Variants in GPR137C observed in about 807,000 individuals in gnomAD.
GPR137C encodes the protein G protein-coupled receptor 137C.
Under a neutral mutation model 43.4 loss-of-function variants are expected in GPR137C, and 27 were observed. The observed-to-expected ratio is 0.62, with a 90% confidence interval of 0.46 to 0.86. The LOEUF is 0.86. GPR137C is among the 40% of genes least tolerant of loss of function. The probability of loss-of-function intolerance (pLI) is 0.00; values close to 1 mark genes in which losing one functional copy is unlikely to be tolerated. For missense variants in GPR137C, 522 were observed against 534.6 expected, an observed-to-expected ratio of 0.98 and a Z score of 0.23; for synonymous variants, 285 against 226.9, an observed-to-expected ratio of 1.26 and a Z score of -2.30.
At chr14:52,571,058 A>G (rs1390401244) in intron 1 of GPR137C, among the ~76,000 whole-genome samples, 3 of 152,168 alleles carry the variant, frequency 2.0e-5, no homozygotes, top group South Asian at 2.1e-4. Context: ...ACCGCATCAC[A>G]CTTATTCTAA....
chr14:52,594,549 T>A (rs1268647058), intron 1 of GPR137C, among the ~76,000 whole-genome samples: 2 of 152,248 alleles, frequency 1.3e-5, no homozygotes, highest in Non-Finnish European at 2.9e-5. Flanking sequence ...TCTTGTTGAA[T>A]TGATCCCTTT....
At chr14:52,577,586 T>C (rs1566608378) in intron 1 of GPR137C, among the ~76,000 whole-genome samples, 1 of 146,696 alleles carries the variant, frequency 6.8e-6, no homozygotes, top group African/African-American at 2.5e-5. Flanking sequence ...ACAAACAAAA[T>C]TGGTAGGCAA....
At chr14:52,579,529 A>T (rs1185695462) in intron 1 of GPR137C, among the ~76,000 whole-genome samples, 1 of 152,182 alleles carries the variant, frequency 6.6e-6, no homozygotes, top group South Asian at 2.1e-4. Flanking sequence ...CTTGGGATTC[A>T]TCTTTCTTGG....
chr14:52,616,853 T>C (rs1291701724), intron 3 of GPR137C, among the ~76,000 whole-genome samples: 1 of 152,240 alleles, frequency 6.6e-6, no homozygotes, highest in East Asian at 1.9e-4. Flanking sequence ...AAGACTGCAT[T>C]GTATCCTGGG....
At chr14:52,596,559 T>C (rs2038858806) in intron 1 of GPR137C, among the ~76,000 whole-genome samples, 1 of 152,142 alleles carries the variant, frequency 6.6e-6, no homozygotes, top group Admixed American at 6.5e-5. Context: ...TGGGCTGCAG[T>C]GTTGCAGGTG....
At position 52,566,537 on chromosome 14, in the gene GPR137C, A is replaced by AT. The variant is rs917813256; in HGVS notation, c.444+12953dup. ...TGAGGCTGTTAAGTGCCCAATTGGC[A>AT]TTTTTTTAAAAAATCTATTCTGAAA... On this transcript the variant is annotated intron_variant, in intron 1 of 6. Coordinates refer to ENST00000321662, the MANE Select transcript of GPR137C (RefSeq NM_001099652.2). Among the ~76,000 whole-genome samples, 20 of 152,154 alleles carry AT rather than the reference A, an allele frequency of 1.3e-4. 1 individual carries two copies. The highest frequency in any genetic ancestry group is 2.6e-4 in the Admixed American group (4 of 15,272).
At chr14:52,565,283 C>T (rs1214028326) in intron 1 of GPR137C, among the ~76,000 whole-genome samples, 2 of 152,182 alleles carry the variant, frequency 1.3e-5, no homozygotes, top group African/African-American at 4.8e-5. Context: ...TTTTCTTCTC[C>T]TCCTCTTCCT....
At chr14:52,630,782 A>G (rs924219797) in intron 3 of GPR137C, among the ~76,000 whole-genome samples, 2 of 152,198 alleles carry the variant, frequency 1.3e-5, no homozygotes, top group African/African-American at 2.4e-5. Flanking sequence ...ATGGATTTTT[A>G]ACCTACCTAC....
At chr14:52,602,013 C>T (rs976207745) in intron 3 of GPR137C, among the ~76,000 whole-genome samples, 11 of 150,928 alleles carry the variant, frequency 7.3e-5, no homozygotes, top group Non-Finnish European at 8.9e-5. Context: ...TGTATGGATT[C>T]GGAATTATCT....
At chr14:52,591,655 C>G (rs1326106510) in intron 1 of GPR137C, among the ~76,000 whole-genome samples, 1 of 152,128 alleles carries the variant, frequency 6.6e-6, no homozygotes, top group East Asian at 1.9e-4. Context: ...ATCCTTCGCC[C>G]ACTTTTTGAT....
At chr14:52,606,251 G>A (rs1036959506) in intron 3 of GPR137C, among the ~76,000 whole-genome samples, 8 of 151,886 alleles carry the variant, frequency 5.3e-5, no homozygotes, top group African/African-American at 1.7e-4. Flanking sequence ...GGTTTTCTTC[G>A]TTATTCAGTC....
intron 2 of GPR137C, among the ~76,000 whole-genome samples, chr14:52,598,778 T>C (rs947386195): frequency 5.3e-5 from 8 of 152,228 alleles, no homozygotes; most frequent in Admixed American, 1.3e-4. Context: ...GTGCAATTCA[T>C]GTACCCTCTA....
chr14:52,576,430 G>A (rs2038553259), intron 1 of GPR137C, among the ~76,000 whole-genome samples: 1 of 152,174 alleles, frequency 6.6e-6, no homozygotes, highest in African/African-American at 2.4e-5. Context: ...GATAAATATA[G>A]AGTGAAGGTG....
At chr14:52,609,318 T>C (rs1340503172) in intron 3 of GPR137C, among the ~76,000 whole-genome samples, 2 of 152,226 alleles carry the variant, frequency 1.3e-5, no homozygotes, top group African/African-American at 4.8e-5. Flanking sequence ...TTTGAGTCTC[T>C]GTGATTTCCT....
At chr14:52,583,320 A>G (rs1040136224) in intron 1 of GPR137C, among the ~76,000 whole-genome samples, 23 of 152,206 alleles carry the variant, frequency 1.5e-4, no homozygotes, top group African/African-American at 4.3e-4. Flanking sequence ...GCTATATTCT[A>G]TAATATACTT....
chr14:52,633,568 A>G lies in GPR137C; in HGVS notation c.906A>G (p.Val302=). The G allele has an allele frequency of 1.2e-6, 2 of 1,612,368 alleles. No homozygotes were observed. The highest frequency in any genetic ancestry group is 2.2e-5 in the East Asian group (1 of 44,844). The part of the protein sequence containing the change: ...VEDISGEEYI[V]FGMVLFLWEH... Reference sequence around the variant, plus strand: ...ACATAAGTGGAGAAGAGTATATAGTATTTGGAATGGTCCTCTTTCTGTGGG... The same window carrying G: ...ACATAAGTGGAGAAGAGTATATAGTGTTTGGAATGGTCCTCTTTCTGTGGG... The change falls in exon 5 of 7, where the codon GTA becomes GTG. Residue 302 remains valine, a synonymous_variant. Transcript: ENST00000321662.
chr14:52,564,306 A>G (rs968456611), intron 1 of GPR137C, among the ~76,000 whole-genome samples: 4 of 150,310 alleles, frequency 2.7e-5, no homozygotes, highest in African/African-American at 9.9e-5. Context: ...CCACTCCTAG[A>G]TTTCTCCATT....
At chr14:52,556,180 C>T (rs955686196) in intron 1 of GPR137C, among the ~76,000 whole-genome samples, 5 of 151,926 alleles carry the variant, frequency 3.3e-5, no homozygotes, top group South Asian at 2.1e-4. Context: ...TGCTGTATGC[C>T]GTATTAAATA....
intron 1 of GPR137C, among the ~76,000 whole-genome samples, chr14:52,571,026 C>T (rs996739412): frequency 6.6e-6 from 1 of 152,286 alleles, no homozygotes; most frequent in Non-Finnish European, 1.5e-5. Context: ...CCCAAATCAA[C>T]GAAATATACA....
Sources: gnomAD v4.1 joint callset for allele counts (sites outside exome capture counted in the v4.1 genomes callset) on GRCh38, gnomAD v4.1.1 for gene constraint, MANE v1.5 for transcripts, NCBI Gene and HGNC (gene_info 2026-07-23, HGNC 2026-07-21) for gene names.